CREBZF: variants seen among roughly 807,000 people sequenced by gnomAD.
CREBZF encodes CREB/ATF bZIP transcription factor, also known as HCF-binding transcription factor Zhangfei.
CREBZF carries 8 observed loss-of-function variants against 21.1 expected under a neutral mutation model. The ratio of observed to expected loss-of-function variants is 0.38; its 90% CI spans 0.22 to 0.68. CREBZF has a LOEUF of 0.68. Among genes scored for constraint, CREBZF ranks in the 30% least tolerant of loss-of-function variants. The pLI is 0.51. For missense variants in CREBZF, 518 were observed against 484.3 expected, an observed-to-expected ratio of 1.07 and a Z score of -0.65; for synonymous variants, 270 against 223.3, an observed-to-expected ratio of 1.21 and a Z score of -1.86.
chr11:85,681,695 T>C (rs2082977171), intron 1 of CREBZF, among the ~76,000 whole-genome samples: 1 of 152,244 alleles, frequency 6.6e-6, no homozygotes, highest in Admixed American at 6.5e-5. Flanking sequence ...AGCAGGGATA[T>C]AGGTCTGCTT....
intron 1 of CREBZF, among the ~76,000 whole-genome samples, chr11:85,676,581 A>T (rs935730818): frequency 6.6e-6 from 1 of 152,130 alleles, no homozygotes; most frequent in African/African-American, 2.4e-5. Flanking sequence ...AATCCTAGAC[A>T]TCATGTCGTT....
chr11:85,668,870 C>T (rs1227836339), upstream of CREBZF, among the ~76,000 whole-genome samples: 3 of 150,194 alleles, frequency 2.0e-5, no homozygotes, highest in African/African-American at 7.3e-5. Flanking sequence ...GGCGTGGTAG[C>T]GGGCGCCTGT....
At position 85,663,062 on chromosome 11, in the gene CREBZF, ATAAC is replaced by A. The variant is rs2082732697; in HGVS notation, c.*745_*748del. On this transcript the variant is annotated 3_prime_UTR_variant, in exon 1 of 1. Coordinates refer to ENST00000527447, the MANE Select transcript of CREBZF (RefSeq NM_001039618.4). Reference sequence around the variant, plus strand: ...AGAGATACCTGTCACCTCCAGCAAAATAACTATCACATTTGTGCATGCCCCAAAT... The same window carrying A: ...AGAGATACCTGTCACCTCCAGCAAAATATCACATTTGTGCATGCCCCAAAT... The A allele has an allele frequency of 6.0e-6, 1 of 166,958 alleles. No homozygotes were observed. Among genetic ancestry groups the A allele is most frequent in the South Asian group, 1.5e-4 (1 of 6,778 alleles). 10.3% of individuals were successfully genotyped at this position (166,958 alleles called of 1,614,324 possible).
At chr11:85,680,637 G>A (rs929582160) in intron 1 of CREBZF, among the ~76,000 whole-genome samples, 1 of 152,206 alleles carries the variant, frequency 6.6e-6, no homozygotes, top group Non-Finnish European at 1.5e-5. Flanking sequence ...AGAGAGAACA[G>A]CATCAAGTAG....
chr11:85,682,610 C>T, intron 1 of CREBZF: 1 of 350,362 alleles, frequency 2.9e-6, no homozygotes, highest in South Asian at 2.7e-5. Context: ...CCCTACTCCC[C>T]CCAACGCGAT....
upstream of CREBZF, among the ~76,000 whole-genome samples, chr11:85,665,264 C>A (rs575312290): frequency 1.3e-5 from 2 of 152,182 alleles, no homozygotes; most frequent in Admixed American, 6.5e-5. Flanking sequence ...GCAAAAATAA[C>A]AAGTCTCTAG....
chr11:85,664,903 C>A lies in CREBZF; in HGVS notation c.-28G>T. On this transcript the variant is annotated 5_prime_UTR_variant, in exon 1 of 1. Coordinates refer to ENST00000527447, the MANE Select transcript of CREBZF (RefSeq NM_001039618.4). This position sits in a 1 kb window ranked among gnomAD's most constrained non-coding sequence, Gnocchi z 5.5. ...GGGCCAGCGGCGGGCCGCGGTAGGC[C>A]CCGGCCGCTAAGAGTGGGCCTCACG... is the stretch of plus-strand genomic sequence containing the variant. 1 of 1,430,242 alleles carries A rather than the reference C, an allele frequency of 7.0e-7. No homozygotes were observed. The highest frequency in any genetic ancestry group is 9.1e-7 in the Non-Finnish European group (1 of 1,096,342). 88.6% of individuals were successfully genotyped at this position (1,430,242 alleles called of 1,614,324 possible).
chr11:85,663,776 G>C lies in CREBZF; in HGVS notation c.*35C>G, dbSNP rs753282844. The C allele has an allele frequency of 6.3e-6, 10 of 1,580,576 alleles. No individual in the cohort carries two copies. The highest frequency in any genetic ancestry group is 8.6e-6 in the Non-Finnish European group (10 of 1,165,108). ...TTGACATGGTGTAAGGGAGTTGAAA[G>C]GGGTAAACGCGGATAAAGAGCAGAT... is the stretch of plus-strand genomic sequence containing the variant. On this transcript the variant is annotated 3_prime_UTR_variant, in exon 1 of 1. Coordinates refer to ENST00000527447, the MANE Select transcript of CREBZF (RefSeq NM_001039618.4).
intron 1 of CREBZF, among the ~76,000 whole-genome samples, chr11:85,673,311 G>A (rs2153329322): frequency 6.6e-6 from 1 of 152,200 alleles, no homozygotes. Flanking sequence ...TAAATGTACA[G>A]GCATACCTCG....
rs1022744867 is a variant in CREBZF, at chr11:85,659,531, T to A, written c.*4280A>T. On this transcript the variant is annotated 3_prime_UTR_variant, in exon 1 of 1. Transcript: ENST00000527447. ...AAGAAACTGAATGGATTTAATAAGTTTTGAATAATACAATAACCAACTGTA... is the reference window on the plus strand; with the variant it reads ...AAGAAACTGAATGGATTTAATAAGTATTGAATAATACAATAACCAACTGTA... Among the ~76,000 whole-genome samples, 13 of 152,020 alleles carry A rather than the reference T, an allele frequency of 8.6e-5. No individual in the cohort carries two copies. Among genetic ancestry groups the A allele is most frequent in the Non-Finnish European group, 1.0e-4 (7 of 67,908 alleles).
rs1410541293 is a variant in CREBZF, at chr11:85,660,162, T to C, written c.*3649A>G. 6.3e-6 allele frequency: 1 copy of C among 158,134 alleles called. No individual in the cohort carries two copies. The highest frequency in any genetic ancestry group is 1.8e-4 in the South Asian group (1 of 5,478). 9.8% of individuals were successfully genotyped at this position (158,134 alleles called of 1,614,324 possible). ...GAAATAAATACAAACTCATATGCCTTGTGATCACTGATGGCCTGCTTATGT... is the reference window on the plus strand; with the variant it reads ...GAAATAAATACAAACTCATATGCCTCGTGATCACTGATGGCCTGCTTATGT... On this transcript the variant is annotated 3_prime_UTR_variant, in exon 1 of 1. Coordinates refer to ENST00000527447, the MANE Select transcript of CREBZF (RefSeq NM_001039618.4).
rs924324683 is a variant in CREBZF, at chr11:85,663,423, G to C, written c.*388C>G. On this transcript the variant is annotated 3_prime_UTR_variant, in exon 1 of 1. Coordinates refer to ENST00000527447, the MANE Select transcript of CREBZF (RefSeq NM_001039618.4). The stretch of plus-strand genomic sequence containing the variant: ...GATTTCCCTCCCACCTTCCAAAACA[G>C]AAAAAAAAAAAAAAATCACACACAC... The C allele has an allele frequency of 2.1e-6, 1 of 475,424 alleles. No homozygotes were observed. The highest frequency in any genetic ancestry group is 2.4e-5 in the African/African-American group (1 of 41,608). The allele number at this position is 475,424 out of a possible 1,614,324, so 29.5% of individuals were successfully genotyped here.
In CREBZF at chr11:85,662,072, A is replaced by C. The variant is rs1223577572; in HGVS notation, c.*1739T>G. 2 of 238,766 alleles carry C rather than the reference A, an allele frequency of 8.4e-6. No individual in the cohort carries two copies. The highest frequency in any genetic ancestry group is 1.8e-4 in the East Asian group (2 of 10,950). 14.8% of individuals were successfully genotyped at this position (238,766 alleles called of 1,614,324 possible). ...GCCCTTAGGTATAAGCAGGTTCATC[A>C]CTCCAATTTGTGAGTTTGGCTACTA... On this transcript the variant is annotated 3_prime_UTR_variant, in exon 1 of 1. Coordinates refer to ENST00000527447, the MANE Select transcript of CREBZF (RefSeq NM_001039618.4).
upstream of CREBZF, among the ~76,000 whole-genome samples, chr11:85,668,467 C>T (rs1214001): frequency 0.14 from 21,373 of 152,096 alleles, 1,750 homozygotes; most frequent in East Asian, 0.29. Flanking sequence ...GTGCACCAAA[C>T]TTTCTTGTTT....
chr11:85,659,564 T>C lies in CREBZF; in HGVS notation c.*4247A>G, dbSNP rs140068820. 772 of 152,186 alleles carry C rather than the reference T, an allele frequency of 5.1e-3. 7 individuals carry two copies. Among genetic ancestry groups the C allele is most frequent in the African/African-American group, 0.018 (758 of 41,558 alleles). The allele number at this position is 152,186 out of a possible 1,614,324, so 9.4% of individuals were successfully genotyped here. On this transcript the variant is annotated 3_prime_UTR_variant, in exon 1 of 1. Transcript: ENST00000527447. ...ATACAATAACCAACTGTATATTTAT[T>C]ATGAAGTAAAAGCCAATCTCCTACC...
intron 1 of CREBZF, among the ~76,000 whole-genome samples, chr11:85,674,748 G>A (rs970551306): frequency 3.9e-5 from 6 of 152,200 alleles, no homozygotes; most frequent in African/African-American, 1.4e-4. Flanking sequence ...TATCTCAGCT[G>A]GATCTTCTGG....
intron 1 of CREBZF, chr11:85,682,616 G>A (rs1216759309): frequency 5.6e-5 from 5 of 89,824 alleles, no homozygotes; most frequent in Non-Finnish European, 9.9e-5. Context: ...TCCCCCCAAC[G>A]CGATCTTCCA....
chr11:85,671,397 A>G (rs2082910626), intron 1 of CREBZF, among the ~76,000 whole-genome samples: 1 of 152,156 alleles, frequency 6.6e-6, no homozygotes, highest in Admixed American at 6.5e-5. Context: ...GCCCCTCCCA[A>G]ATCTCATGTC....
At chr11:85,670,258 CT>C (rs1488661501) in intron 1 of CREBZF, among the ~76,000 whole-genome samples, 27 of 132,154 alleles carry the variant, frequency 2.0e-4, no homozygotes, top group Non-Finnish European at 1.6e-4. Context: ...TTATTTCCCC[CT>C]AACACTTTAA....
Sources: allele counts gnomAD v4.1 joint callset (sites outside exome capture counted in the v4.1 genomes callset), GRCh38; gene constraint gnomAD v4.1.1; non-coding constraint Gnocchi (gnomAD v3.1); transcripts MANE v1.5; gene names NCBI Gene and HGNC (gene_info 2026-07-23, HGNC 2026-07-21).